Variants in NRXN3 observed in about 807,000 individuals in gnomAD.
NRXN3 encodes the protein neurexin III.
In NRXN3, 32 loss-of-function variants were observed where a neutral mutation model predicts 137.6. The observed-to-expected ratio is 0.23, with a 90% CI of 0.18 to 0.31. NRXN3 has a LOEUF of 0.31. Ranked by LOEUF, NRXN3 falls within the 10% of genes least tolerant of loss-of-function variation. The pLI is 1.00. For missense variants in NRXN3, 1,574 were observed against 2,062.5 expected, an observed-to-expected ratio of 0.76 and a Z score of 4.59; for synonymous variants, 798 against 784.5, an observed-to-expected ratio of 1.02 and a Z score of -0.29.
intron 4 of NRXN3, among the ~76,000 whole-genome samples, chr14:78,479,040 G>A (rs982329766): frequency 6.6e-6 from 1 of 152,178 alleles, no homozygotes; most frequent in African/African-American, 2.4e-5. Context: ...ATTTTTTATA[G>A]CAAACCAATG....
intron 15 of NRXN3, among the ~76,000 whole-genome samples, chr14:79,462,276 G>A (rs939650452): frequency 6.6e-6 from 1 of 152,044 alleles, no homozygotes; most frequent in African/African-American, 2.4e-5. Flanking sequence ...GGGAGGCTGA[G>A]AGAGGAGAAT....
intron 15 of NRXN3, among the ~76,000 whole-genome samples, chr14:79,444,752 CA>C (rs2096028890): frequency 6.6e-6 from 1 of 152,128 alleles, no homozygotes; most frequent in African/African-American, 2.4e-5. Context: ...TGCTTGAGCG[CA>C]GGGGTTCTAG....
chr14:78,319,503 G>C (rs2079080383), intron 4 of NRXN3, among the ~76,000 whole-genome samples: 2 of 152,168 alleles, frequency 1.3e-5, no homozygotes, highest in Admixed American at 1.3e-4. Context: ...ATGATTCACA[G>C]ACTGCCCATT....
intron 4 of NRXN3, among the ~76,000 whole-genome samples, chr14:78,322,102 C>T (rs2079447098): frequency 1.3e-5 from 2 of 151,802 alleles, no homozygotes; most frequent in Admixed American, 1.3e-4. Flanking sequence ...TTAATCAGCT[C>T]TTAAATTTTA....
chr14:78,677,995 A>C (rs2098027338), intron 6 of NRXN3, among the ~76,000 whole-genome samples: 1 of 152,212 alleles, frequency 6.6e-6, no homozygotes, highest in Non-Finnish European at 1.5e-5. Context: ...CACACTTAAT[A>C]GGCTACAGTA....
At chr14:79,835,218 G>A (rs550587429) in intron 20 of NRXN3, among the ~76,000 whole-genome samples, 8 of 152,126 alleles carry the variant, frequency 5.3e-5, no homozygotes, top group East Asian at 3.9e-4. Context: ...AGGTAATGCC[G>A]GTATAATTTA....
rs547768889 is a variant in NRXN3, at chr14:79,671,420, C to A, written c.3616+7471C>A. ...CTCAGGTTAAATCTCTGATTTCTGC[C>A]CAGTCTAGAAGTCAGCATTTCCTTG... On this transcript the variant is annotated intron_variant, in intron 17 of 20. Coordinates refer to ENST00000335750, the MANE Select transcript of NRXN3 (RefSeq NM_001330195.2). 2.2e-3 allele frequency among the ~76,000 whole-genome samples: 328 copies of A among 152,058 alleles called. 2 individuals are homozygous for A. Among genetic ancestry groups the A allele is most frequent in the African/African-American group, 7.6e-3 (314 of 41,490 alleles).
At chr14:78,890,464 G>A (rs1277917647) in intron 10 of NRXN3, among the ~76,000 whole-genome samples, 1 of 151,782 alleles carries the variant, frequency 6.6e-6, no homozygotes, top group Non-Finnish European at 1.5e-5. Context: ...TTTAACTGTA[G>A]GTGGCCATTT....
chr14:79,744,604 A>G (rs546219304), intron 19 of NRXN3, among the ~76,000 whole-genome samples: 23 of 152,310 alleles, frequency 1.5e-4, no homozygotes, highest in African/African-American at 5.3e-4. Flanking sequence ...GCTTCTAGGA[A>G]GACAGGATGG....
At chr14:78,592,485 G>A (rs1429089902) in intron 4 of NRXN3, among the ~76,000 whole-genome samples, 1 of 152,158 alleles carries the variant, frequency 6.6e-6, no homozygotes, top group Non-Finnish European at 1.5e-5. Context: ...CCCCATCAGA[G>A]AAATGTTTTC....
intron 8 of NRXN3, among the ~76,000 whole-genome samples, chr14:78,746,689 G>T (rs1159500333): frequency 1.3e-5 from 2 of 152,194 alleles, no homozygotes; most frequent in Non-Finnish European, 2.9e-5. Flanking sequence ...TAGGAGAGAT[G>T]CCTAACCACC....
intron 19 of NRXN3, among the ~76,000 whole-genome samples, chr14:79,768,601 T>C (rs1370856941): frequency 6.6e-6 from 1 of 152,100 alleles, no homozygotes; most frequent in Admixed American, 6.5e-5. Context: ...AGAAAGGACA[T>C]CCACACCAAA....
Position 79,554,563 on chromosome 14 carries a change from A to G in NRXN3, c.3444+87161A>G, listed in dbSNP as rs541999628. Among the ~76,000 whole-genome samples, 9 of 152,282 alleles carry G rather than the reference A, an allele frequency of 5.9e-5. No individual in the cohort carries two copies. In the South Asian group the frequency reaches 6.2e-4, roughly 11 times the overall value. On this transcript the variant is annotated intron_variant, in intron 16 of 20. Coordinates refer to ENST00000335750, the MANE Select transcript of NRXN3 (RefSeq NM_001330195.2). ...CATCTGGGGAAATAGCCAGTAGCCA[A>G]TGCTTATTAGCGTACTACTTGGGTA...
intron 15 of NRXN3, among the ~76,000 whole-genome samples, chr14:79,376,253 T>C (rs1311013189): frequency 2.1e-3 from 120 of 57,664 alleles, no homozygotes; most frequent in African/African-American, 3.9e-3. Context: ...TATATATATA[T>C]ATATATATAT....
In NRXN3 at chr14:79,372,300, G is replaced by T. The variant is rs558302691; in HGVS notation, c.3263-94921G>T. 2.0e-5 allele frequency among the ~76,000 whole-genome samples: 3 copies of T among 152,192 alleles called. No homozygotes were observed. The East Asian group carries it at 5.8e-4, about 29-fold the overall frequency. Reference sequence around the variant, plus strand: ...AGATTGATTAGAAAGATAAATTTCGGCACACAGGGTCTCTGTTCTTGTAAC... The same window carrying T: ...AGATTGATTAGAAAGATAAATTTCGTCACACAGGGTCTCTGTTCTTGTAAC... On this transcript the variant is annotated intron_variant, in intron 15 of 20. Transcript: ENST00000335750.
chr14:79,856,246 T>C (rs2141849715), intron 20 of NRXN3, among the ~76,000 whole-genome samples: 1 of 152,296 alleles, frequency 6.6e-6, no homozygotes, highest in Admixed American at 6.5e-5. Flanking sequence ...CTTGCCCTGT[T>C]TGTCCATGAC....
In NRXN3 at chr14:79,861,629, A is replaced by T. The variant is rs754105675; in HGVS notation, c.4381A>T (p.Ile1461Phe). ...CAGCACCAAACTGAAGAGCCCACTAATTACTTCCCCCATGTTCCGTAATGT... is the reference window on the plus strand; with the variant it reads ...CAGCACCAAACTGAAGAGCCCACTATTTACTTCCCCCATGTTCCGTAATGT... ...LDSTKLKSPL[I>F]TSPMFRNVPT... Residue 1461 changes from isoleucine to phenylalanine, a missense_variant, in exon 21 of 21, where the codon ATT becomes TTT. By Grantham distance (21) the Ile-to-Phe change is conservative. Transcript: ENST00000335750. The surrounding 1 kb of genome is among the most constrained non-coding windows in gnomAD (Gnocchi z 5.4). 6.2e-7 allele frequency: 1 copy of T among 1,614,002 alleles called. No individual in the cohort carries two copies. The highest frequency in any genetic ancestry group is 1.1e-5 in the South Asian group (1 of 91,064).
At chr14:78,718,120 C>T (rs2098442696) in intron 8 of NRXN3, among the ~76,000 whole-genome samples, 1 of 152,188 alleles carries the variant, frequency 6.6e-6, no homozygotes, top group African/African-American at 2.4e-5. Flanking sequence ...TCAACACAAT[C>T]ACTCAGTTTG....
intron 4 of NRXN3, among the ~76,000 whole-genome samples, chr14:78,314,383 G>A (rs1265107775): frequency 6.6e-6 from 1 of 152,176 alleles, no homozygotes; most frequent in Admixed American, 6.5e-5. Context: ...AGTTTGCGGT[G>A]CAGATTGGTG....
Sources: gnomAD v4.1 joint callset for allele counts (sites outside exome capture counted in the v4.1 genomes callset) on GRCh38, gnomAD v4.1.1 for gene constraint, Gnocchi (gnomAD v3.1) non-coding constraint, MANE v1.5 for transcripts, NCBI Gene and HGNC (gene_info 2026-07-23, HGNC 2026-07-21) for gene names.